The following SYN2 variants were observed in gnomAD, a reference collection of about 807,000 sequenced individuals.
The protein encoded by SYN2 is synapsin II, also known as synapsin-2.
Under a neutral mutation model 50.9 loss-of-function variants are expected in SYN2, and 19 were observed. That is an observed-to-expected ratio of 0.37 (90% CI 0.26 to 0.55). The LOEUF (loss-of-function observed/expected upper bound fraction) is 0.55, where lower values mean the gene tolerates loss of function less well. SYN2 is among the 20% of genes least tolerant of loss of function. The pLI is 0.81. For synonymous variants in SYN2, 255 were observed against 224.9 expected (o/e 1.13, Z -1.20); for missense variants, 587 against 576.4 (o/e 1.02, Z -0.19).
chr3:12,153,480 G>T (rs948912634), intron 5 of SYN2: 9 of 1,609,580 alleles, frequency 5.6e-6, no homozygotes, highest in Non-Finnish European at 7.6e-6. Context: ...TGATCTTCAG[G>T]ACTCTTGAAG....
intron 9 of SYN2, 65 bp downstream of exon 9, chr3:12,168,543 C>A: frequency 7.3e-7 from 1 of 1,369,184 alleles, no homozygotes; most frequent in Non-Finnish European, 1.0e-6. Flanking sequence ...GCAGCTCAGA[C>A]TGCCTTTAAT....
chr3:12,161,793 C>T, intron 6 of SYN2, 185 bp downstream of exon 6: 1 of 958,492 alleles, frequency 1.0e-6, no homozygotes, highest in South Asian at 1.6e-5. Context: ...AGAATGCAAG[C>T]CACCTGCTTG....
intron 1 of SYN2, among the ~76,000 whole-genome samples, chr3:12,127,713 C>T (rs193297005): frequency 1.3e-5 from 2 of 152,286 alleles, no homozygotes; most frequent in African/African-American, 4.8e-5. Flanking sequence ...GTTTCTGCTG[C>T]GCCATGGTGG....
intron 4 of SYN2, 142 bp downstream of exon 4, chr3:12,145,977 A>G: frequency 8.3e-7 from 1 of 1,210,916 alleles, no homozygotes; most frequent in Non-Finnish European, 1.2e-6. Context: ...AGGGTCCTCA[A>G]GATGCAGTTG....
Position 12,191,270 on chromosome 3 carries a change from C to A in SYN2, c.*645C>A. Reference sequence around the variant, plus strand: ...CTGAAGAGTGGTTCTTATGTGCAATCTGCAGTAACCTTGAACTCCAGAGCT... The same window carrying A: ...CTGAAGAGTGGTTCTTATGTGCAATATGCAGTAACCTTGAACTCCAGAGCT... On this transcript the variant is annotated 3_prime_UTR_variant, in exon 13 of 13. Transcript: ENST00000621198. The A allele has an allele frequency of 1.3e-6, 1 of 779,362 alleles. No individual in the cohort carries two copies. Among genetic ancestry groups the A allele is most frequent in the Non-Finnish European group, 1.6e-6 (1 of 642,220 alleles). The allele number at this position is 779,362 out of a possible 1,614,324, so 48.3% of individuals were successfully genotyped here.
chr3:12,154,292 A>G (rs1452818907), intron 5 of SYN2: 1 of 1,613,786 alleles, frequency 6.2e-7, no homozygotes, highest in Middle Eastern at 1.7e-4. Flanking sequence ...CCCTTCCCCC[A>G]TCCCTAAAGA....
intron 1 of SYN2, among the ~76,000 whole-genome samples, chr3:12,069,754 T>G (rs906372148): frequency 2.6e-5 from 4 of 152,110 alleles, no homozygotes; most frequent in African/African-American, 9.7e-5. Context: ...TTGTTAATTA[T>G]ATTTATCCTA....
chr3:12,062,469 A>G (rs1695132770), intron 1 of SYN2, among the ~76,000 whole-genome samples: 1 of 152,076 alleles, frequency 6.6e-6, no homozygotes, highest in South Asian at 2.1e-4. Context: ...TACAGCACCA[A>G]AAACATAATC....
At chr3:12,102,444 A>G (rs372682469) in intron 1 of SYN2, among the ~76,000 whole-genome samples, 8 of 152,114 alleles carry the variant, frequency 5.3e-5, no homozygotes, top group African/African-American at 9.7e-5. Context: ...AATGGTGACA[A>G]TGTGTCATGA....
intron 10 of SYN2, among the ~76,000 whole-genome samples, chr3:12,174,631 GC>G (rs1407802088): frequency 6.6e-6 from 1 of 152,034 alleles, no homozygotes; most frequent in Non-Finnish European, 1.5e-5. Context: ...ACAGGCACGC[GC>G]CACCACGCCC....
At chr3:12,118,026 A>G (rs925779394) in intron 1 of SYN2, among the ~76,000 whole-genome samples, 1 of 152,206 alleles carries the variant, frequency 6.6e-6, no homozygotes, top group East Asian at 1.9e-4. Flanking sequence ...GTAAAAACTA[A>G]AAAGGAAGAT....
intron 1 of SYN2, among the ~76,000 whole-genome samples, chr3:12,076,448 G>A (rs769462433): frequency 1.6e-4 from 24 of 151,890 alleles, no homozygotes; most frequent in Non-Finnish European, 3.1e-4. Context: ...ACCACGGGAA[G>A]TGAGGATGGA....
intron 1 of SYN2, among the ~76,000 whole-genome samples, chr3:12,065,016 T>C (rs1695183528): frequency 6.6e-6 from 1 of 152,154 alleles, no homozygotes; most frequent in South Asian, 2.1e-4. Context: ...AGCTCTACAA[T>C]GGAATGTCGT....
At chr3:12,055,157 C>A (rs1694959073) in intron 1 of SYN2, among the ~76,000 whole-genome samples, 1 of 152,040 alleles carries the variant, frequency 6.6e-6, no homozygotes, top group East Asian at 1.9e-4. Context: ...GAGAACACAT[C>A]AACACATTTC....
chr3:12,182,659 C>T (rs186935637), intron 10 of SYN2, among the ~76,000 whole-genome samples: 3 of 152,236 alleles, frequency 2.0e-5, no homozygotes, highest in East Asian at 1.9e-4. Flanking sequence ...AATGACGACC[C>T]CTTTCTTTAA....
chr3:12,083,028 C>G (rs1302943415), intron 1 of SYN2, among the ~76,000 whole-genome samples: 5 of 152,096 alleles, frequency 3.3e-5, no homozygotes, highest in African/African-American at 1.2e-4. Context: ...TATTTTTTCC[C>G]CGAGACTGAG....
intron 1 of SYN2, among the ~76,000 whole-genome samples, chr3:12,010,159 C>T (rs1181063053): frequency 6.6e-6 from 1 of 152,164 alleles, no homozygotes; most frequent in African/African-American, 2.4e-5. Flanking sequence ...CAAAATCCAG[C>T]AATCTAATAA....
At chr3:12,055,840 C>T (rs908908652) in intron 1 of SYN2, among the ~76,000 whole-genome samples, 3 of 152,180 alleles carry the variant, frequency 2.0e-5, no homozygotes, top group Admixed American at 6.5e-5. Flanking sequence ...TACCGTTTTG[C>T]AACTCCCATT....
chr3:12,118,220 T>A (rs1320897307), intron 1 of SYN2, among the ~76,000 whole-genome samples: 1 of 152,070 alleles, frequency 6.6e-6, no homozygotes, highest in Non-Finnish European at 1.5e-5. Flanking sequence ...AGGGCTGGAG[T>A]GAGACTCAAG....
Sources: allele counts gnomAD v4.1 joint callset (sites outside exome capture counted in the v4.1 genomes callset), GRCh38; gene constraint gnomAD v4.1.1; transcripts MANE v1.5; gene names NCBI Gene and HGNC (gene_info 2026-07-23, HGNC 2026-07-21).